The following PKD1L1 variants were observed in gnomAD, a reference collection of about 807,000 sequenced individuals.
The protein encoded by PKD1L1 is polycystin 1 like 1, transient receptor potential channel interacting.
A neutral mutation model predicts 323.4 loss-of-function variants in PKD1L1; 236 were observed. The ratio of observed to expected loss-of-function variants is 0.73; its 90% CI spans 0.66 to 0.81. The LOEUF (loss-of-function observed/expected upper bound fraction) is 0.81, where lower values mean the gene tolerates loss of function less well. PKD1L1 is among the 40% of genes least tolerant of loss of function. The probability of loss-of-function intolerance (pLI) is 0.00; values close to 1 mark genes in which losing one functional copy is unlikely to be tolerated. For missense variants in PKD1L1, 3,320 were observed against 3,508.0 expected (o/e 0.95, Z 1.35); for synonymous variants, 1,344 against 1,335.0 (o/e 1.01, Z -0.15).
intron 3 of PKD1L1, among the ~76,000 whole-genome samples, chr7:47,938,360 G>T (rs533797189): frequency 1.1e-3 from 170 of 152,248 alleles, no homozygotes; most frequent in African/African-American, 3.7e-3. Context: ...CTTCTGTGAC[G>T]AGAACAGGGA....
intron 16 of PKD1L1, among the ~76,000 whole-genome samples, chr7:47,889,614 T>C (rs1786764817): frequency 6.6e-6 from 1 of 152,104 alleles, no homozygotes; most frequent in Admixed American, 6.5e-5. Context: ...TTCAAAGCAG[T>C]CTTTCTGATC....
At chr7:47,898,245 T>C (rs189670819) in intron 13 of PKD1L1, 51 bp from the exon 14 acceptor site, 2 of 1,456,064 alleles carry the variant, frequency 1.4e-6, no homozygotes, top group East Asian at 2.3e-5. Flanking sequence ...TCACATCTAA[T>C]GTACTGGTAA....
chr7:47,904,717 G>T (rs1227411936), intron 11 of PKD1L1, 100 bp from the exon 12 acceptor site: 2 of 1,360,206 alleles, frequency 1.5e-6, no homozygotes, highest in Non-Finnish European at 2.0e-6. Flanking sequence ...GGAAGGCGGG[G>T]GAGGGGGAGG....
In PKD1L1 at chr7:47,831,352, G is replaced by A. The variant is rs745991411; in HGVS notation, c.6338C>T (p.Ala2113Val). ...TAGTCCCTCCAAACCACTGCTGGGT[G>A]CTGCGGAAGAGTAGGACAGAGACAA... ...KSHCCPPHTQAPSSGLEGLMP... is the reference protein window; with the variant it reads ...KSHCCPPHTQVPSSGLEGLMP... The change falls in exon 42 of 57, where the codon GCA becomes GTA. Residue 2113 changes from alanine (A) to valine (V), a missense_variant and splice_region_variant. By Grantham distance (64) the Ala-to-Val change is moderately conservative. Transcript: ENST00000289672. The A allele has an allele frequency of 6.2e-7, 1 of 1,610,614 alleles. No individual in the cohort carries two copies. Among genetic ancestry groups the A allele is most frequent in the Non-Finnish European group, 8.5e-7 (1 of 1,178,734 alleles).
At chr7:47,790,298 A>G (rs1786910274) in intron 56 of PKD1L1, among the ~76,000 whole-genome samples, 2 of 151,690 alleles carry the variant, frequency 1.3e-5, no homozygotes, top group Admixed American at 6.6e-5. Context: ...ACAGTTTTTT[A>G]TGATTAAAAC....
intron 24 of PKD1L1, among the ~76,000 whole-genome samples, chr7:47,870,097 C>G (rs537387368): frequency 1.3e-5 from 2 of 151,918 alleles, no homozygotes; most frequent in Admixed American, 1.3e-4. Flanking sequence ...TAAATCAGTG[C>G]TTGAAGGGAA....
At chr7:47,900,498 GT>G (rs1255686289) in intron 13 of PKD1L1, among the ~76,000 whole-genome samples, 3 of 152,342 alleles carry the variant, frequency 2.0e-5, no homozygotes, top group East Asian at 3.9e-4. Context: ...GGAGGCCAAG[GT>G]GGGCAGATCA....
chr7:47,935,090 C>T (rs182585115), intron 4 of PKD1L1, among the ~76,000 whole-genome samples: 1 of 152,324 alleles, frequency 6.6e-6, no homozygotes, highest in Non-Finnish European at 1.5e-5. Flanking sequence ...AATGACATTC[C>T]CGTGGCGGCA....
At chr7:47,957,483 G>C in the PKD1L1 span, among the ~76,000 whole-genome samples, 1 of 151,982 alleles carries the variant, frequency 6.6e-6, no homozygotes, top group African/African-American at 2.4e-5. Context: ...AAAGTTTCAG[G>C]ATACAAAATC....
At chr7:47,853,531 T>G (rs189352832) in intron 30 of PKD1L1, among the ~76,000 whole-genome samples, 157 of 151,288 alleles carry the variant, frequency 1.0e-3, no homozygotes, top group African/African-American at 3.7e-3. Flanking sequence ...CCACCTGAGG[T>G]TGGGAGTTTG....
chr7:47,853,729 A>G (rs1785832896), intron 30 of PKD1L1, among the ~76,000 whole-genome samples: 3 of 150,798 alleles, frequency 2.0e-5, no homozygotes, highest in Non-Finnish European at 4.4e-5. Context: ...GGCAACAAGA[A>G]TGAAACTCTG....
intron 46 of PKD1L1, chr7:47,817,882 T>C (rs1785054415): frequency 1.9e-6 from 1 of 533,368 alleles, no homozygotes; most frequent in Non-Finnish European, 2.8e-6. Flanking sequence ...AAAAAAAATT[T>C]CCATAGCATG....
intron 4 of PKD1L1, among the ~76,000 whole-genome samples, chr7:47,934,184 C>T (rs1057342761): frequency 1.3e-5 from 2 of 152,222 alleles, no homozygotes; most frequent in African/African-American, 4.8e-5. Flanking sequence ...GCTCTGGCTG[C>T]AAAGTAATGG....
chr7:47,925,738 T>A (rs1345067631), intron 7 of PKD1L1, among the ~76,000 whole-genome samples: 1 of 152,142 alleles, frequency 6.6e-6, no homozygotes, highest in Non-Finnish European at 1.5e-5. Flanking sequence ...GATACCAACA[T>A]GACAGATAGC....
intron 50 of PKD1L1, among the ~76,000 whole-genome samples, chr7:47,810,764 G>A (rs1784875868): frequency 6.6e-6 from 1 of 152,180 alleles, no homozygotes; most frequent in Admixed American, 6.5e-5. Context: ...AGTGACTTCT[G>A]GTGTTTTGGA....
chr7:47,939,204 G>A (rs776819564), intron 3 of PKD1L1, among the ~76,000 whole-genome samples: 1 of 152,166 alleles, frequency 6.6e-6, no homozygotes, highest in Non-Finnish European at 1.5e-5. Flanking sequence ...TGGCAGAGCA[G>A]AGAAAAGCTC....
chr7:47,851,280 A>C (rs1308400346), intron 31 of PKD1L1, among the ~76,000 whole-genome samples: 2 of 152,236 alleles, frequency 1.3e-5, no homozygotes, highest in Non-Finnish European at 2.9e-5. Context: ...CAGAAAGTAA[A>C]GAAGCACTTG....
At chr7:47,925,828 A>C (rs1367660236) in intron 7 of PKD1L1, among the ~76,000 whole-genome samples, 1 of 152,246 alleles carries the variant, frequency 6.6e-6, no homozygotes, top group Non-Finnish European at 1.5e-5. Flanking sequence ...GAGGAGACCC[A>C]AAATGAACAG....
intron 14 of PKD1L1, among the ~76,000 whole-genome samples, chr7:47,896,385 A>G (rs1786936407): frequency 6.7e-6 from 1 of 149,632 alleles, no homozygotes; most frequent in African/African-American, 2.5e-5. Context: ...TATAATCACT[A>G]TTTTAACATT....
Sources: gnomAD v4.1 joint callset for allele counts (sites outside exome capture counted in the v4.1 genomes callset) on GRCh38, gnomAD v4.1.1 for gene constraint, MANE v1.5 for transcripts, NCBI Gene and HGNC (gene_info 2026-07-23, HGNC 2026-07-21) for gene names.